Variants in HYLS1 observed in about 807,000 individuals in gnomAD.
HYLS1 encodes HYLS1 centriolar and ciliogenesis associated, also known as centriolar and ciliogenesis-associated protein HYLS1.
Under a neutral mutation model 29.4 loss-of-function variants are expected in HYLS1, and 25 were observed. The ratio of observed to expected loss-of-function variants is 0.85; its 90% CI spans 0.62 to 1.19. The LOEUF (loss-of-function observed/expected upper bound fraction) is 1.19. Ranked by LOEUF, HYLS1 falls within the 50% of genes most tolerant of loss-of-function variation. HYLS1 has a pLI of 0.00. For missense variants in HYLS1, 352 were observed against 365.1 expected (o/e 0.96, Z 0.29); for synonymous variants, 128 against 126.7 (o/e 1.01, Z -0.07).
chr11:125,894,517 A>C (rs1446124274), intron 2 of HYLS1, among the ~76,000 whole-genome samples: 1 of 152,208 alleles, frequency 6.6e-6, no homozygotes, highest in East Asian at 1.9e-4. Flanking sequence ...GGTAAATGTC[A>C]GTGCTAACAA....
intron 2 of HYLS1, chr11:125,899,138 T>G: frequency 1.9e-6 from 1 of 532,928 alleles, no homozygotes. Context: ...AAAGCAGGAG[T>G]AAGAGTGGAA....
upstream of HYLS1, among the ~76,000 whole-genome samples, chr11:125,886,479 A>G (rs480978): frequency 0.85 from 128,442 of 151,664 alleles, 54,858 homozygotes; most frequent in East Asian, 1. Flanking sequence ...ACCAGTTGAG[A>G]TAGGTTTGCT....
intron 2 of HYLS1, chr11:125,893,857 C>T: frequency 1.2e-6 from 2 of 1,613,996 alleles, no homozygotes; most frequent in Non-Finnish European, 1.7e-6. Context: ...TATTCTCTTC[C>T]TCTAGTGTGT....
intron 1 of HYLS1, among the ~76,000 whole-genome samples, chr11:125,890,346 C>T (rs1166488852): frequency 6.6e-6 from 1 of 152,184 alleles, no homozygotes; most frequent in East Asian, 1.9e-4. Flanking sequence ...ATTCAAATTA[C>T]TGATTTTTAA....
At chr11:125,886,804 G>A (rs987468600), upstream of HYLS1, among the ~76,000 whole-genome samples, 3 of 150,920 alleles carry the variant, frequency 2.0e-5, no homozygotes, top group Non-Finnish European at 2.9e-5. Flanking sequence ...CCAGCTGCTC[G>A]GGAGGCTGAG....
intron 2 of HYLS1, chr11:125,896,161 T>C: frequency 6.2e-7 from 1 of 1,614,224 alleles, no homozygotes; most frequent in East Asian, 2.2e-5. Flanking sequence ...GAATTTTCTC[T>C]AATGTTTGAG....
In HYLS1 at chr11:125,899,334, T is replaced by C. The variant is rs1272885227; in HGVS notation, c.-25-10T>C. The C allele has an allele frequency of 1.4e-5, 23 of 1,594,068 alleles. No individual in the cohort carries two copies. Among genetic ancestry groups the C allele is most frequent in the Non-Finnish European group, 2.0e-5 (23 of 1,164,406 alleles). On this transcript the variant is annotated splice_polypyrimidine_tract_variant and intron_variant, in intron 2 of 2. Coordinates refer to ENST00000425380, the MANE Select transcript of HYLS1 (RefSeq NM_001134793.2). The stretch of plus-strand genomic sequence containing the variant: ...ATTATCAGAAAACTGACCAATGTTA[T>C]CTCTTGCAGAAGGTCCTACAGTGTA...
chr11:125,891,415 T>C lies in HYLS1; in HGVS notation c.-75-8T>C, dbSNP rs914912439. 1.5e-5 allele frequency: 1 copy of C among 67,806 alleles called. No homozygotes were observed. The highest frequency in any genetic ancestry group is 2.1e-4 in the Admixed American group (1 of 4,678). The allele number at this position is 67,806 out of a possible 1,614,324, so 4.2% of individuals were successfully genotyped here. A position where few individuals can be genotyped will look rare whatever the true frequency, so the allele number is the denominator to read the frequency against. On this transcript the variant is annotated splice_polypyrimidine_tract_variant and splice_region_variant and intron_variant, in intron 1 of 2. Coordinates refer to ENST00000425380, the MANE Select transcript of HYLS1 (RefSeq NM_001134793.2). ...TTAATTTTTTTAAACTCTATTCTTC[T>C]TTTCTAGGTTTTTTTTTTACTTGAA...
At chr11:125,887,433 C>G (rs1420676073), upstream of HYLS1, 2 of 152,266 alleles carry the variant, frequency 1.3e-5, no homozygotes, top group African/African-American at 4.8e-5. Context: ...GCTGCCTGCG[C>G]GCCTCAGCTA....
intron 2 of HYLS1, among the ~76,000 whole-genome samples, chr11:125,898,091 C>T (rs768388121): frequency 9.3e-5 from 14 of 151,220 alleles, no homozygotes; most frequent in East Asian, 7.7e-4. Context: ...TTGTCCTTTA[C>T]GGTATTAAAA....
chr11:125,885,277 CCT>C (rs1030350831), upstream of HYLS1, among the ~76,000 whole-genome samples: 1 of 151,936 alleles, frequency 6.6e-6, no homozygotes, highest in Non-Finnish European at 1.5e-5. Context: ...ATGATGAAAC[CCT>C]GTCTCTACTA....
In HYLS1 at chr11:125,891,143, A is replaced by T. The variant is rs1023099048; in HGVS notation, c.-75-280A>T. Among the ~76,000 whole-genome samples the T allele has an allele frequency of 2.6e-5, 4 of 152,324 alleles. 1 individual carries two copies. The South Asian group carries it at 8.3e-4, about 32-fold the overall frequency. The stretch of plus-strand genomic sequence containing the variant: ...GTCTAAGAGAGCAAGTACTTTTGCA[A>T]AGTTGCATTTGGGGGCTTCCCATTT... On this transcript the variant is annotated intron_variant, in intron 1 of 2. Transcript: ENST00000425380.
intron 2 of HYLS1, chr11:125,893,508 GA>G (rs1213763952): frequency 3.6e-6 from 1 of 277,536 alleles, no homozygotes; most frequent in African/African-American, 2.2e-5. Flanking sequence ...AGGCTTTAAT[GA>G]ATTTGAATAC....
Position 125,895,891 on chromosome 11 carries a change from G to C in HYLS1, c.-25-3453G>C, listed in dbSNP as rs199653630. The C allele has an allele frequency of 1.7e-4, 268 of 1,607,524 alleles. 1 individual carries two copies. The Middle Eastern group carries it at 7.3e-3, about 44-fold the overall frequency. ...CTAGTATTGCTTGCTTTGAGAAACAGTGTATTGGCCCTTACCTGTCCAAAG... is the reference window on the plus strand; with the variant it reads ...CTAGTATTGCTTGCTTTGAGAAACACTGTATTGGCCCTTACCTGTCCAAAG... On this transcript the variant is annotated intron_variant, in intron 2 of 2. Coordinates refer to ENST00000425380, the MANE Select transcript of HYLS1 (RefSeq NM_001134793.2).
rs1178931950 is a variant in HYLS1, at chr11:125,887,737, G to C, written c.-104G>C. 1 of 152,290 alleles carries C rather than the reference G, an allele frequency of 6.6e-6. No homozygotes were observed. Among genetic ancestry groups the C allele is most frequent in the East Asian group, 1.9e-4 (1 of 5,200 alleles). The allele number at this position is 152,290 out of a possible 1,614,324, so 9.4% of individuals were successfully genotyped here. On this transcript the variant is annotated 5_prime_UTR_variant, in exon 1 of 3. Coordinates refer to ENST00000425380, the MANE Select transcript of HYLS1 (RefSeq NM_001134793.2). ...GCTCTGCTGGCGACTGGCAGGACGC[G>C]GTGCAGAGAGCGGACTTCCGCGACG...
At chr11:125,885,146 A>G (rs654538), upstream of HYLS1, among the ~76,000 whole-genome samples, 14 of 152,218 alleles carry the variant, frequency 9.2e-5, no homozygotes, top group Non-Finnish European at 1.8e-4. Context: ...AAATTTAATA[A>G]AAAGGATAAC....
chr11:125,893,645 G>T, intron 2 of HYLS1: 1 of 661,704 alleles, frequency 1.5e-6, no homozygotes, highest in African/African-American at 1.9e-5. Flanking sequence ...TCCTTAATAG[G>T]GCTTTAGTCT....
rs1032078461 is a variant in HYLS1 at position 125,894,127 on chromosome 11, T to C, written c.-26+2655T>C. 1.8e-5 allele frequency: 29 copies of C among 1,614,014 alleles called. No individual in the cohort carries two copies. The highest frequency in any genetic ancestry group is 6.7e-5 in the Admixed American group (4 of 60,000). ...CACAGGGTACTGGAACAGTGTCCAGTCCTTGTAGCATACTATACAACATGT... is the reference window on the plus strand; with the variant it reads ...CACAGGGTACTGGAACAGTGTCCAGCCCTTGTAGCATACTATACAACATGT... On this transcript the variant is annotated intron_variant, in intron 2 of 2. Transcript: ENST00000425380.
In HYLS1 at chr11:125,899,963, A is replaced by T. The variant is rs1565457470; in HGVS notation, c.595A>T (p.Lys199Ter). 6.2e-7 allele frequency: 1 copy of T among 1,614,198 alleles called. No individual in the cohort carries two copies. The highest frequency in any genetic ancestry group is 1.1e-5 in the South Asian group (1 of 91,084). ...CAGACCCAAGTCCTTTATTCTCCCA[A>T]AGCTGGACCAGTTAAGCCGAAACCG... ...ASRPKSFILPKLDQLSRNRGK... is the reference protein window; with the variant it reads ...ASRPKSFILP The change falls in exon 3 of 3, where the codon AAG becomes TAG. Residue 199 changes from lysine to a stop codon, truncating the protein, a stop_gained. Transcript: ENST00000425380. LOFTEE classifies it high-confidence loss of function.
Sources: gnomAD v4.1 joint callset for allele counts (sites outside exome capture counted in the v4.1 genomes callset) on GRCh38, gnomAD v4.1.1 for gene constraint, MANE v1.5 for transcripts, NCBI Gene and HGNC (gene_info 2026-07-23, HGNC 2026-07-21) for gene names.